The following MEGF11 variants were observed in gnomAD, a reference collection of about 807,000 sequenced individuals.
MEGF11 encodes multiple EGF like domains 11.
A neutral mutation model predicts 146.6 loss-of-function variants in MEGF11; 126 were observed. The observed-to-expected ratio is 0.86, with a 90% CI of 0.74 to 1.00. The LOEUF is 1.00. Ranked by LOEUF, MEGF11 falls within the 50% of genes least tolerant of loss-of-function variation. MEGF11 has a pLI of 0.00. For missense variants in MEGF11, 1,509 were observed against 1,521.2 expected (o/e 0.99, Z 0.13); for synonymous variants, 532 against 583.4 (o/e 0.91, Z 1.27).
intron 1 of MEGF11, among the ~76,000 whole-genome samples, chr15:66,128,965 T>C (rs765341176): frequency 1.1e-4 from 16 of 152,210 alleles, no homozygotes; most frequent in Admixed American, 5.9e-4. Context: ...TCTTGCTTCT[T>C]CTGTCTCCTA....
intron 5 of MEGF11, among the ~76,000 whole-genome samples, chr15:66,054,788 T>C (rs891895754): frequency 6.6e-6 from 1 of 151,898 alleles, no homozygotes; most frequent in African/African-American, 2.4e-5. Context: ...GATGCAGTCC[T>C]CAAACTTGAG....
chr15:66,123,308 G>A (rs889537524), intron 3 of MEGF11, among the ~76,000 whole-genome samples: 1 of 152,242 alleles, frequency 6.6e-6, no homozygotes, highest in Non-Finnish European at 1.5e-5. Context: ...AGAGGTTGCT[G>A]AATTCTAGCC....
At position 65,896,452 on chromosome 15, in the gene MEGF11, A is replaced by G. The variant is rs1329919989; in HGVS notation, c.*1482T>C. On this transcript the variant is annotated 3_prime_UTR_variant, in exon 26 of 26. Coordinates refer to ENST00000395614, the MANE Select transcript of MEGF11 (RefSeq NM_001385028.1). ...TCAGAACTCTCATACTTCCTGTAGC[A>G]GTATTCCAGCTTCGCAGTCATTTAG... 1 of 152,676 alleles carries G rather than the reference A, an allele frequency of 6.5e-6. No homozygotes were observed. Among genetic ancestry groups the G allele is most frequent in the East Asian group, 1.9e-4 (1 of 5,206 alleles). The allele number at this position is 152,676 out of a possible 1,614,324, so 9.5% of individuals were successfully genotyped here. A position where few individuals can be genotyped will look rare whatever the true frequency, so the allele number is the denominator to read the frequency against.
At chr15:65,922,765 G>T (rs2141258845) in intron 14 of MEGF11, 58 bp downstream of exon 14, 1 of 1,571,030 alleles carries the variant, frequency 6.4e-7, no homozygotes, top group Non-Finnish European at 8.7e-7. Context: ...GTTCCAACTG[G>T]AGAGGGCTAG....
chr15:66,237,747 C>T (rs2092126624), intron 1 of MEGF11, among the ~76,000 whole-genome samples: 1 of 152,226 alleles, frequency 6.6e-6, no homozygotes, highest in South Asian at 2.1e-4. Context: ...GCAGGCACTT[C>T]CTGCCTCCAC....
At chr15:65,961,620 G>A (rs1462496293) in intron 9 of MEGF11, among the ~76,000 whole-genome samples, 1 of 152,242 alleles carries the variant, frequency 6.6e-6, no homozygotes, top group African/African-American at 2.4e-5. Flanking sequence ...GGAATGAAGA[G>A]TTGGAGAATC....
At chr15:66,108,870 C>T (rs955335566) in intron 4 of MEGF11, among the ~76,000 whole-genome samples, 2 of 152,182 alleles carry the variant, frequency 1.3e-5, no homozygotes, top group Non-Finnish European at 2.9e-5. Context: ...ACAGGGTAGC[C>T]ACTTCATGGG....
intron 5 of MEGF11, among the ~76,000 whole-genome samples, chr15:66,049,418 C>T (rs759524943): frequency 1.6e-4 from 25 of 152,158 alleles, no homozygotes; most frequent in Admixed American, 3.9e-4. Context: ...CTTCCTAAAA[C>T]GGCTGACCTT....
intron 5 of MEGF11, among the ~76,000 whole-genome samples, chr15:66,047,379 G>A (rs987583027): frequency 9.9e-5 from 15 of 152,118 alleles, no homozygotes; most frequent in African/African-American, 3.6e-4. Context: ...CCACTTCCTA[G>A]CTAGGCGAGT....
At chr15:66,169,730 C>G (rs1326051681) in intron 1 of MEGF11, among the ~76,000 whole-genome samples, 1 of 152,236 alleles carries the variant, frequency 6.6e-6, no homozygotes, top group Non-Finnish European at 1.5e-5. Context: ...AAGAAGGCAT[C>G]GTAGACCAGG....
Position 66,149,231 on chromosome 15 carries a change from G to A in MEGF11, c.-8-20820C>T, listed in dbSNP as rs192202825. ...GAAGAATCATAAACTCTCCAGATGC[G>A]TTCCAAAAGCCACATAGAGGAAAAG... is the stretch of plus-strand genomic sequence containing the variant. On this transcript the variant is annotated intron_variant, in intron 1 of 25. Coordinates refer to ENST00000395614, the MANE Select transcript of MEGF11 (RefSeq NM_001385028.1). Among the ~76,000 whole-genome samples, 19 of 152,244 alleles carry A rather than the reference G, an allele frequency of 1.2e-4. No homozygotes were observed. In the East Asian group the frequency reaches 2.5e-3, roughly 20 times the overall value.
chr15:65,981,781 T>A (rs1206557156), intron 6 of MEGF11, among the ~76,000 whole-genome samples: 4 of 152,144 alleles, frequency 2.6e-5, no homozygotes, highest in Admixed American at 2.6e-4. Context: ...CCCAAATCTG[T>A]ACATGGTATC....
intron 10 of MEGF11, among the ~76,000 whole-genome samples, chr15:65,954,939 A>T (rs903317865): frequency 1.3e-5 from 2 of 152,112 alleles, no homozygotes; most frequent in Non-Finnish European, 2.9e-5. Flanking sequence ...ACCCTCAATG[A>T]GCTTCCCACT....
intron 10 of MEGF11, among the ~76,000 whole-genome samples, chr15:65,949,372 T>C (rs1443403580): frequency 6.6e-6 from 1 of 152,230 alleles, no homozygotes; most frequent in East Asian, 1.9e-4. Flanking sequence ...GACCTACCAG[T>C]GGCACAGAGA....
At chr15:66,019,718 C>G (rs2083036193) in intron 5 of MEGF11, among the ~76,000 whole-genome samples, 1 of 152,260 alleles carries the variant, frequency 6.6e-6, no homozygotes, top group African/African-American at 2.4e-5. Context: ...TATGCGACCT[C>G]ACTCGCTGAG....
intron 1 of MEGF11, among the ~76,000 whole-genome samples, chr15:66,216,868 G>T (rs920101153): frequency 1.3e-5 from 2 of 152,222 alleles, no homozygotes; most frequent in Admixed American, 1.3e-4. Context: ...AGAGCCACTT[G>T]GCTCAAGGAT....
chr15:66,160,875 G>A lies in MEGF11; in HGVS notation c.-8-32464C>T, dbSNP rs141818984. ...GTATGCCAGAGCTAGAAGCAGGATGGCAGCTTAAACAGAGTGGCCTGGAGG... is the reference window on the plus strand; with the variant it reads ...GTATGCCAGAGCTAGAAGCAGGATGACAGCTTAAACAGAGTGGCCTGGAGG... On this transcript the variant is annotated intron_variant, in intron 1 of 25. Coordinates refer to ENST00000395614, the MANE Select transcript of MEGF11 (RefSeq NM_001385028.1). Among the ~76,000 whole-genome samples, 151 of 152,302 alleles carry A rather than the reference G, an allele frequency of 9.9e-4. 1 individual carries two copies. In the East Asian group the frequency reaches 0.025, roughly 25 times the overall value.
chr15:66,068,459 A>G (rs1243364474), intron 5 of MEGF11, among the ~76,000 whole-genome samples: 1 of 152,198 alleles, frequency 6.6e-6, no homozygotes, highest in Non-Finnish European at 1.5e-5. Context: ...GACATTGCCA[A>G]ATGTCCCCTG....
chr15:66,119,200 G>A lies in MEGF11; in HGVS notation c.201-14C>T. The stretch of plus-strand genomic sequence containing the variant: ...TTATAACTGATCCTAAGGCACAAGG[G>A]AGAAAGCCACTTGAAAGTATTGAAA... On this transcript the variant is annotated splice_polypyrimidine_tract_variant and intron_variant, in intron 3 of 25. Coordinates refer to ENST00000395614, the MANE Select transcript of MEGF11 (RefSeq NM_001385028.1). 1.3e-6 allele frequency: 2 copies of A among 1,529,412 alleles called. No homozygotes were observed. The highest frequency in any genetic ancestry group is 1.4e-5 in the African/African-American group (1 of 72,676). 94.7% of individuals were successfully genotyped at this position (1,529,412 alleles called of 1,614,324 possible). A position where few individuals can be genotyped will look rare whatever the true frequency, so the allele number is the denominator to read the frequency against.
Sources: gnomAD v4.1 joint callset for allele counts (sites outside exome capture counted in the v4.1 genomes callset) on GRCh38, gnomAD v4.1.1 for gene constraint, MANE v1.5 for transcripts, NCBI Gene and HGNC (gene_info 2026-07-23, HGNC 2026-07-21) for gene names.